Variants in TANGO6 observed in about 807,000 individuals in gnomAD.
The protein encoded by TANGO6 is transport and Golgi organization protein 6 homolog.
Under a neutral mutation model 114.2 loss-of-function variants are expected in TANGO6, and 90 were observed. The observed-to-expected ratio is 0.79, with a 90% CI of 0.66 to 0.94. The LOEUF is 0.94. Among genes scored for constraint, TANGO6 ranks in the 40% least tolerant of loss-of-function variants. TANGO6 has a pLI of 0.00. For missense variants in TANGO6, 1,274 were observed against 1,315.3 expected (o/e 0.97, Z 0.49); for synonymous variants, 477 against 509.8 (o/e 0.94, Z 0.87).
intron 17 of TANGO6, among the ~76,000 whole-genome samples, chr16:69,051,160 G>A (rs1286194932): frequency 6.6e-6 from 1 of 151,926 alleles, no homozygotes; most frequent in East Asian, 1.9e-4. Flanking sequence ...TAAAACAATA[G>A]TTTTACAAAG....
At position 68,973,789 on chromosome 16, in the gene TANGO6, T is replaced by C. The variant is rs1053217866; in HGVS notation, c.2702-239T>C. 9.3e-6 allele frequency: 5 copies of C among 537,078 alleles called. No individual in the cohort carries two copies. The African/African-American group carries it at 9.5e-5, about 10-fold the overall frequency. 33.3% of individuals were successfully genotyped at this position (537,078 alleles called of 1,614,324 possible). A position where few individuals can be genotyped will look rare whatever the true frequency, so the allele number is the denominator to read the frequency against. On this transcript the variant is annotated intron_variant, in intron 14 of 17. Transcript: ENST00000261778. ...TGCCTGGATCATAGAACGTCAGTGC[T>C]GGGAGTGACCTTAGAGATCGTATCA...
At chr16:68,884,725 CAG>C (rs907467521) in intron 7 of TANGO6, among the ~76,000 whole-genome samples, 1 of 151,738 alleles carries the variant, frequency 6.6e-6, no homozygotes, top group Non-Finnish European at 1.5e-5. Flanking sequence ...AAAAAGCAAA[CAG>C]ATAATTTCTT....
chr16:68,861,464 T>C (rs1462003084), intron 2 of TANGO6, among the ~76,000 whole-genome samples: 1 of 152,186 alleles, frequency 6.6e-6, no homozygotes, highest in East Asian at 1.9e-4. Context: ...CTGAGCTCCC[T>C]GGGGCCTTTA....
intron 15 of TANGO6, among the ~76,000 whole-genome samples, chr16:69,002,222 A>C (rs1593137): frequency 0.37 from 56,696 of 151,626 alleles, 12,455 homozygotes; most frequent in East Asian, 0.53. Context: ...AAGAAAACGG[A>C]CAGGAGAAAT....
chr16:68,869,585 C>T (rs905564652), intron 4 of TANGO6, among the ~76,000 whole-genome samples: 5 of 152,150 alleles, frequency 3.3e-5, no homozygotes, highest in African/African-American at 9.6e-5. Context: ...TGGTTACCTT[C>T]TACTCAGCTG....
chr16:69,048,946 A>G (rs1000943287), intron 17 of TANGO6, among the ~76,000 whole-genome samples: 4 of 152,174 alleles, frequency 2.6e-5, no homozygotes, highest in Admixed American at 2.0e-4. Flanking sequence ...AGCCAGGCCC[A>G]GGCAGATGGG....
intron 14 of TANGO6, among the ~76,000 whole-genome samples, chr16:68,971,777 G>A (rs1963707336): frequency 6.6e-6 from 1 of 151,678 alleles, no homozygotes; most frequent in Admixed American, 6.6e-5. Context: ...GATTACAGGT[G>A]CCCGATACCA....
chr16:69,048,434 T>C (rs940855917), intron 17 of TANGO6, among the ~76,000 whole-genome samples: 11 of 151,842 alleles, frequency 7.2e-5, no homozygotes, highest in African/African-American at 2.7e-4. Flanking sequence ...ATGGATGTCT[T>C]GTTCTGTTGC....
At chr16:68,964,444 T>C (rs1449723077) in intron 14 of TANGO6, among the ~76,000 whole-genome samples, 1 of 152,056 alleles carries the variant, frequency 6.6e-6, no homozygotes, top group Non-Finnish European at 1.5e-5. Context: ...ATTCAATGAG[T>C]GTATATTTCC....
chr16:68,995,841 T>C (rs1963985063), intron 15 of TANGO6, among the ~76,000 whole-genome samples: 1 of 152,194 alleles, frequency 6.6e-6, no homozygotes, highest in South Asian at 2.1e-4. Context: ...TGCATTTTAG[T>C]CCTTTGTTTT....
intron 14 of TANGO6, among the ~76,000 whole-genome samples, chr16:68,959,241 C>T (rs1288883667): frequency 1.3e-5 from 2 of 152,158 alleles, no homozygotes; most frequent in Admixed American, 6.5e-5. Context: ...GCCTGGAGCA[C>T]CTATCACAAA....
chr16:68,876,193 C>T (rs1962355893), intron 5 of TANGO6, among the ~76,000 whole-genome samples: 1 of 150,494 alleles, frequency 6.6e-6, no homozygotes, highest in East Asian at 2.0e-4. Flanking sequence ...CAGAGTTTTG[C>T]TCTTGTTGCC....
At chr16:68,847,536 G>C (rs911297349) in intron 1 of TANGO6, among the ~76,000 whole-genome samples, 3 of 152,170 alleles carry the variant, frequency 2.0e-5, no homozygotes, top group African/African-American at 4.8e-5. Flanking sequence ...TTCCATGTTT[G>C]GGTTCGAAGA....
chr16:69,072,203 C>A lies in TANGO6; in HGVS notation c.3109-11282C>A, dbSNP rs115348721. Among the ~76,000 whole-genome samples, 476 of 151,838 alleles carry A rather than the reference C, an allele frequency of 3.1e-3. 4 individuals carry two copies. The highest frequency in any genetic ancestry group is 0.011 in the African/African-American group (461 of 41,314). On this transcript the variant is annotated intron_variant, in intron 17 of 17. Coordinates refer to ENST00000261778, the MANE Select transcript of TANGO6 (RefSeq NM_024562.2). The stretch of plus-strand genomic sequence containing the variant: ...TGATAAAGAATCTGAACGCCACTCC[C>A]TTCCAAAGAGTTTTCAGACCAGGAG...
At chr16:68,873,011 C>CT (rs537637184) in intron 4 of TANGO6, among the ~76,000 whole-genome samples, 60 of 146,438 alleles carry the variant, frequency 4.1e-4, no homozygotes, top group African/African-American at 8.0e-4. Flanking sequence ...CCAGAAGTCA[C>CT]TTTTTTTTTT....
rs1960498684 is a variant in TANGO6, at chr16:69,083,635, G to T, written c.3259G>T (p.Glu1087Ter). ...KNFLFPPQKLEKKIMVLP is the reference protein window; with the variant it reads ...KNFLFPPQKL Reference sequence around the variant, plus strand: ...CTTCCTGTTCCCTCCACAGAAGCTGGAGAAGAAGATCATGGTCCTGCCGTA... The same window carrying T: ...CTTCCTGTTCCCTCCACAGAAGCTGTAGAAGAAGATCATGGTCCTGCCGTA... The change falls in exon 18 of 18, where the codon GAG becomes TAG. Residue 1087 changes from glutamate (E) to a stop codon, truncating the protein, a stop_gained. Coordinates refer to ENST00000261778, the MANE Select transcript of TANGO6 (RefSeq NM_024562.2). LOFTEE classifies it high-confidence loss of function. 4 of 1,567,650 alleles carry T rather than the reference G, an allele frequency of 2.6e-6. No homozygotes were observed. Among genetic ancestry groups the T allele is most frequent in the Non-Finnish European group, 1.7e-6 (2 of 1,156,204 alleles).
chr16:69,057,264 A>G (rs990453893), intron 17 of TANGO6, among the ~76,000 whole-genome samples: 3 of 152,116 alleles, frequency 2.0e-5, no homozygotes, highest in African/African-American at 4.8e-5. Flanking sequence ...TTTCTGAAAA[A>G]TAGAGTATAA....
At chr16:68,880,490 A>C (rs1962442401) in intron 6 of TANGO6, 58 bp from the exon 7 acceptor site, 1 of 1,319,908 alleles carries the variant, frequency 7.6e-7, no homozygotes, top group South Asian at 1.3e-5. Flanking sequence ...CCTTAGCTTT[A>C]GTATGTCCTA....
At chr16:69,051,910 C>A (rs1233394248) in intron 17 of TANGO6, among the ~76,000 whole-genome samples, 4 of 149,188 alleles carry the variant, frequency 2.7e-5, no homozygotes, top group Admixed American at 2.7e-4. Context: ...ACTGCTATTT[C>A]TTGATTTTCC....
Sources: allele counts gnomAD v4.1 joint callset (sites outside exome capture counted in the v4.1 genomes callset), GRCh38; gene constraint gnomAD v4.1.1; transcripts MANE v1.5; gene names NCBI Gene and HGNC (gene_info 2026-07-23, HGNC 2026-07-21).